SGCD: variants seen among roughly 807,000 people sequenced by gnomAD.
SGCD encodes the protein sarcoglycan delta.
A neutral mutation model predicts 36.6 loss-of-function variants in SGCD; 18 were observed. The observed-to-expected ratio is 0.49, with a 90% CI of 0.34 to 0.73. The LOEUF is 0.73. SGCD is among the 30% of genes least tolerant of loss of function. The pLI is 0.01. For missense variants in SGCD, 387 were observed against 346.7 expected, an observed-to-expected ratio of 1.12 and a Z score of -0.92; for synonymous variants, 133 against 130.6, an observed-to-expected ratio of 1.02 and a Z score of -0.12.
chr5:156,004,691 A>G (rs1758724324), intron 1 of SGCD, among the ~76,000 whole-genome samples: 1 of 152,230 alleles, frequency 6.6e-6, no homozygotes, highest in Non-Finnish European at 1.5e-5. Flanking sequence ...ATTTTCTTTC[A>G]TATTGTTCTG....
At chr5:155,960,759 A>G (rs1757776138) in intron 1 of SGCD, among the ~76,000 whole-genome samples, 1 of 152,084 alleles carries the variant, frequency 6.6e-6, no homozygotes, top group Non-Finnish European at 1.5e-5. Context: ...GCATATCTCA[A>G]TGAGTTCACA....
chr5:156,016,770 T>A (rs77850857), intron 1 of SGCD, among the ~76,000 whole-genome samples: 2,628 of 152,286 alleles, frequency 0.017, 78 homozygotes, highest in African/African-American at 0.059. Flanking sequence ...CATTTGTGTA[T>A]GTACCATAGC....
At chr5:156,740,607 G>A (rs1311624857) in intron 7 of SGCD, among the ~76,000 whole-genome samples, 2 of 152,142 alleles carry the variant, frequency 1.3e-5, no homozygotes, top group African/African-American at 2.4e-5. Flanking sequence ...AGCTATTGGG[G>A]TTTTAACTTG....
rs144494776 is a variant in SGCD, at chr5:156,672,980, C to T, written c.575+25444C>T. On this transcript the variant is annotated intron_variant, in intron 7 of 8. Transcript: ENST00000337851. ...CTAAGGACATCTTTCTTGGTACACCCTAGGCTCACTGTACTTCCCCTATTA... is the reference window on the plus strand; with the variant it reads ...CTAAGGACATCTTTCTTGGTACACCTTAGGCTCACTGTACTTCCCCTATTA... Among the ~76,000 whole-genome samples, 6 of 152,170 alleles carry T rather than the reference C, an allele frequency of 3.9e-5. No homozygotes were observed. In the South Asian group the frequency reaches 8.3e-4, roughly 21 times the overall value.
intron 4 of SGCD, among the ~76,000 whole-genome samples, chr5:156,566,372 A>G (rs1013060103): frequency 9.8e-5 from 15 of 152,324 alleles, no homozygotes; most frequent in Middle Eastern, 6.8e-3. Context: ...TAATATTGCA[A>G]TAAGATCACA....
chr5:155,798,689 A>C, the SGCD span, among the ~76,000 whole-genome samples: 1 of 152,206 alleles, frequency 6.6e-6, no homozygotes, highest in African/African-American at 2.4e-5. Flanking sequence ...GGTGATAGAC[A>C]TGGGAATGCC....
intron 7 of SGCD, among the ~76,000 whole-genome samples, chr5:156,698,233 C>T (rs983091945): frequency 2.6e-5 from 4 of 152,172 alleles, no homozygotes; most frequent in Non-Finnish European, 5.9e-5. Context: ...ACTTTCTAGG[C>T]ATGAAATCAC....
chr5:156,674,790 C>T (rs1753444115), intron 7 of SGCD, among the ~76,000 whole-genome samples: 1 of 152,180 alleles, frequency 6.6e-6, no homozygotes, highest in Non-Finnish European at 1.5e-5. Flanking sequence ...CCAGCATCGA[C>T]TCCTTTTTGT....
intron 1 of SGCD, among the ~76,000 whole-genome samples, chr5:155,987,710 G>C (rs149959303): frequency 9.1e-4 from 139 of 152,186 alleles, no homozygotes; most frequent in African/African-American, 3.2e-3. Flanking sequence ...GCACTTTCCT[G>C]CTAAGTCTCT....
rs146478012 is a variant in SGCD, at chr5:156,501,885, G to A, written c.193-6716G>A. The stretch of plus-strand genomic sequence containing the variant: ...GACTTCAGGATCATCACTGGACAGC[G>A]CTCATTCAGTCAAGACCTGCTATCC... On this transcript the variant is annotated intron_variant, in intron 3 of 8. Transcript: ENST00000337851. Among the ~76,000 whole-genome samples, 521 of 152,214 alleles carry A rather than the reference G, an allele frequency of 3.4e-3. 1 individual carries two copies. Among genetic ancestry groups the A allele is most frequent in the African/African-American group, 0.012 (491 of 41,540 alleles).
At chr5:156,239,825 A>G (rs1765264939) in intron 3 of SGCD, among the ~76,000 whole-genome samples, 1 of 152,158 alleles carries the variant, frequency 6.6e-6, no homozygotes, top group Non-Finnish European at 1.5e-5. Flanking sequence ...CACCCAAGGT[A>G]ACAAAATGTT....
intron 1 of SGCD, among the ~76,000 whole-genome samples, chr5:156,043,043 A>T (rs1759676811): frequency 6.6e-6 from 1 of 152,200 alleles, no homozygotes; most frequent in African/African-American, 2.4e-5. Context: ...AGGAATGATT[A>T]AGGACAGTTT....
rs555155472 is a variant in SGCD at position 156,584,480 on chromosome 5, A to G, written c.295-4751A>G. Reference sequence around the variant, plus strand: ...CTTTATGCTTAGAAGACAGATGAAAATGTTAATACAGTGGATTAATAAGGG... The same window carrying G: ...CTTTATGCTTAGAAGACAGATGAAAGTGTTAATACAGTGGATTAATAAGGG... On this transcript the variant is annotated intron_variant, in intron 4 of 8. Transcript: ENST00000337851. Among the ~76,000 whole-genome samples the G allele has an allele frequency of 2.2e-4, 33 of 152,336 alleles. No homozygotes were observed. In the South Asian group the frequency reaches 6.2e-3, roughly 29 times the overall value.
chr5:155,918,289 A>C (rs4435847), intron 1 of SGCD, among the ~76,000 whole-genome samples: 14,924 of 152,272 alleles, frequency 0.098, 811 homozygotes, highest in South Asian at 0.17. Context: ...GGTGTCGGGC[A>C]CAGTGGCTCA....
At position 156,313,918 on chromosome 5, in the gene SGCD, G is replaced by A. The variant is rs987621647; in HGVS notation, c.-43-15616G>A. Among the ~76,000 whole-genome samples, 8 of 151,958 alleles carry A rather than the reference G, an allele frequency of 5.3e-5. No individual in the cohort carries two copies. The East Asian group carries it at 5.8e-4, about 11-fold the overall frequency. On this transcript the variant is annotated intron_variant, in intron 3 of 9. Transcript: ENST00000517913. ...TATGCATAAAAATGCAGCACAGGCC[G>A]TGACATCTACTTTTTTTCAATTAAG...
At chr5:156,202,207 C>T (rs1159564918) in intron 3 of SGCD, among the ~76,000 whole-genome samples, 4 of 151,970 alleles carry the variant, frequency 2.6e-5, no homozygotes, top group Non-Finnish European at 4.4e-5. Context: ...CCACTTAACT[C>T]CTCCTGGATG....
rs141262127 is a variant in SGCD, at chr5:156,158,041, T to A, written c.-44+34022T>A. Among the ~76,000 whole-genome samples the A allele has an allele frequency of 3.3e-5, 5 of 150,748 alleles. No homozygotes were observed. In the East Asian group the frequency reaches 9.6e-4, roughly 29 times the overall value. On this transcript the variant is annotated intron_variant, in intron 3 of 9. Transcript: ENST00000517913. ...TTGGTGATTCAAATGAACAGGAAAC[T>A]GTGTAATTGGTTTTTTGCTTTTTTT...
chr5:156,572,138 C>T (rs1759748758), intron 4 of SGCD, among the ~76,000 whole-genome samples: 1 of 152,132 alleles, frequency 6.6e-6, no homozygotes, highest in African/African-American at 2.4e-5. Context: ...TTTGCTTATT[C>T]ATTAATCTAT....
chr5:155,738,881 G>A, the SGCD span, among the ~76,000 whole-genome samples: 9 of 149,780 alleles, frequency 6.0e-5, no homozygotes, highest in Admixed American at 4.6e-4. Flanking sequence ...GTGTGAGAGA[G>A]AGTGTGTGTG....
Sources: allele counts gnomAD v4.1 joint callset (sites outside exome capture counted in the v4.1 genomes callset), GRCh38; gene constraint gnomAD v4.1.1; transcripts MANE v1.5; gene names NCBI Gene and HGNC (gene_info 2026-07-23, HGNC 2026-07-21).